The following PDE10A variants were observed in gnomAD, a reference collection of about 807,000 sequenced individuals.
The protein encoded by PDE10A is phosphodiesterase 10A.
A neutral mutation model predicts 97.7 loss-of-function variants in PDE10A; 39 were observed. That is an observed-to-expected ratio of 0.40 (90% CI 0.31 to 0.52). The LOEUF (loss-of-function observed/expected upper bound fraction) is 0.52, where lower values mean the gene tolerates loss of function less well. Ranked by LOEUF, PDE10A falls within the 20% of genes least tolerant of loss-of-function variation. The pLI is 0.56. For missense variants in PDE10A, 731 were observed against 1,047.8 expected, an observed-to-expected ratio of 0.70 and a Z score of 4.17; for synonymous variants, 371 against 376.8, an observed-to-expected ratio of 0.98 and a Z score of 0.18.
At chr6:165,583,473 G>A (rs891621656) in intron 1 of PDE10A, among the ~76,000 whole-genome samples, 2 of 152,178 alleles carry the variant, frequency 1.3e-5, no homozygotes, top group Admixed American at 6.5e-5. Context: ...AAGATCTTGA[G>A]AGGAGGAGTT....
intron 1 of PDE10A, among the ~76,000 whole-genome samples, chr6:165,814,064 T>C (rs991815620): frequency 1.3e-5 from 2 of 152,280 alleles, no homozygotes; most frequent in South Asian, 2.1e-4. Flanking sequence ...GCAAACAGAT[T>C]TGAGTTGATA....
intron 3 of PDE10A, among the ~76,000 whole-genome samples, chr6:165,474,830 T>C (rs1779204853): frequency 6.6e-6 from 1 of 152,100 alleles, no homozygotes; most frequent in Admixed American, 6.5e-5. Context: ...CAAATAAAAC[T>C]AGACTCCATA....
intron 1 of PDE10A, among the ~76,000 whole-genome samples, chr6:165,639,738 CAAAAAA>C (rs35358593): frequency 9.8e-6 from 1 of 102,556 alleles, no homozygotes; most frequent in African/African-American, 3.8e-5. Context: ...GACTCTGTCC[CAAAAAA>C]AAAAAAAAAA....
intron 19 of PDE10A, among the ~76,000 whole-genome samples, chr6:165,340,609 C>T (rs529459838): frequency 1.6e-4 from 25 of 152,282 alleles, no homozygotes; most frequent in Non-Finnish European, 3.2e-4. Context: ...TTTAAACAAA[C>T]GATGATTTGA....
In PDE10A at chr6:165,336,222, G is replaced by A; in HGVS notation, c.2977-11C>T. On this transcript the variant is annotated splice_polypyrimidine_tract_variant and intron_variant, in intron 20 of 21. Transcript: ENST00000539869. ...ATTGTAGAACCCAAGCTGCCTCCAT[G>A]CAAAAACCACGGACAAGAAACAAAA... is the stretch of plus-strand genomic sequence containing the variant. The A allele has an allele frequency of 6.2e-7, 1 of 1,604,484 alleles. No individual in the cohort carries two copies. The highest frequency in any genetic ancestry group is 8.5e-7 in the Non-Finnish European group (1 of 1,171,702).
chr6:165,913,222 A>G lies in PDE10A; in HGVS notation c.-615+74307T>C, dbSNP rs75016107. 1.9e-3 allele frequency among the ~76,000 whole-genome samples: 289 copies of G among 152,004 alleles called. 1 individual carries two copies. Among genetic ancestry groups the G allele is most frequent in the African/African-American group, 6.7e-3 (278 of 41,436 alleles). ...TATTCTAAAATCTGAAAAAATCTGAAATCCTAGACACTTCTGGTCCCAAGC... is the reference window on the plus strand; with the variant it reads ...TATTCTAAAATCTGAAAAAATCTGAGATCCTAGACACTTCTGGTCCCAAGC... On this transcript the variant is annotated intron_variant, in intron 1 of 19. Transcript: ENST00000366882.
At chr6:165,474,121 G>C (rs1313434981) in intron 3 of PDE10A, among the ~76,000 whole-genome samples, 2 of 152,074 alleles carry the variant, frequency 1.3e-5, no homozygotes, top group African/African-American at 4.8e-5. Context: ...GTCTTTTATA[G>C]AGTTCTCTCT....
chr6:165,958,498 C>CAGA (rs1450317352), intron 1 of PDE10A, among the ~76,000 whole-genome samples: 1 of 57,718 alleles, frequency 1.7e-5, no homozygotes, highest in Non-Finnish European at 3.5e-5. Flanking sequence ...GAGAGAAAGA[C>CAGA]AAGAAAGAAA....
At chr6:165,588,871 G>T (rs901892996) in intron 1 of PDE10A, among the ~76,000 whole-genome samples, 13 of 152,074 alleles carry the variant, frequency 8.5e-5, no homozygotes, top group African/African-American at 3.1e-4. Context: ...GTTAAATGAG[G>T]TAATTAATGT....
At chr6:165,804,190 G>T (rs1322748601) in intron 1 of PDE10A, among the ~76,000 whole-genome samples, 1 of 152,268 alleles carries the variant, frequency 6.6e-6, no homozygotes. Context: ...ATGGAAATAG[G>T]TGTATTTGGG....
intron 1 of PDE10A, among the ~76,000 whole-genome samples, chr6:165,915,418 C>T (rs369577738): frequency 3.9e-4 from 60 of 152,324 alleles, no homozygotes; most frequent in African/African-American, 1.3e-3. Context: ...TGAGCAGTTA[C>T]AGATCACAGA....
chr6:165,562,070 A>C (rs761101253), intron 1 of PDE10A, among the ~76,000 whole-genome samples: 1 of 152,176 alleles, frequency 6.6e-6, no homozygotes, highest in Non-Finnish European at 1.5e-5. Context: ...CAGGAGTTCA[A>C]GACCCATCTG....
chr6:165,550,457 T>TAAA (rs1430252446), intron 1 of PDE10A, among the ~76,000 whole-genome samples: 43 of 152,328 alleles, frequency 2.8e-4, no homozygotes, highest in African/African-American at 1.0e-3. Flanking sequence ...CACCATTTCA[T>TAAA]GCTATTAATT....
chr6:165,868,478 A>C (rs2128477980), intron 1 of PDE10A, among the ~76,000 whole-genome samples: 1 of 151,922 alleles, frequency 6.6e-6, no homozygotes, highest in Non-Finnish European at 1.5e-5. Context: ...TAGAAAACCT[A>C]AACAGACCAG....
At chr6:165,923,924 T>C (rs1255879802) in intron 1 of PDE10A, among the ~76,000 whole-genome samples, 1 of 152,212 alleles carries the variant, frequency 6.6e-6, no homozygotes, top group Non-Finnish European at 1.5e-5. Flanking sequence ...CTTTTGCCTG[T>C]AATCCCAACA....
At chr6:165,645,740 G>C (rs1789361613) in intron 1 of PDE10A, among the ~76,000 whole-genome samples, 1 of 151,546 alleles carries the variant, frequency 6.6e-6, no homozygotes, top group East Asian at 1.9e-4. Context: ...TGTAATCCCA[G>C]CTACTAGGGA....
intron 1 of PDE10A, among the ~76,000 whole-genome samples, chr6:165,943,507 G>C (rs1010098372): frequency 1.3e-5 from 2 of 152,104 alleles, no homozygotes; most frequent in Admixed American, 1.3e-4. Context: ...CTCAGTCTGA[G>C]GTCAAAGGCC....
intron 1 of PDE10A, among the ~76,000 whole-genome samples, chr6:165,627,482 G>T (rs187568254): frequency 5.3e-4 from 81 of 152,250 alleles, no homozygotes; most frequent in Non-Finnish European, 1.1e-3. Flanking sequence ...GCTGCCTAGG[G>T]CTATCACAGA....
chr6:165,612,551 G>T (rs1428682222), intron 1 of PDE10A, among the ~76,000 whole-genome samples: 1 of 152,040 alleles, frequency 6.6e-6, no homozygotes, highest in Non-Finnish European at 1.5e-5. Flanking sequence ...GTATTTTCCA[G>T]TAGAGACGGG....
Sources: allele counts gnomAD v4.1 joint callset (sites outside exome capture counted in the v4.1 genomes callset), GRCh38; gene constraint gnomAD v4.1.1; transcripts MANE v1.5; gene names NCBI Gene and HGNC (gene_info 2026-07-23, HGNC 2026-07-21).